GALNT5: variants seen among roughly 807,000 people sequenced by gnomAD.
GALNT5 encodes polypeptide N-acetylgalactosaminyltransferase 5.
Under a neutral mutation model 85.4 loss-of-function variants are expected in GALNT5, and 72 were observed. That is an observed-to-expected ratio of 0.84 (90% confidence interval 0.70 to 1.03). The LOEUF (loss-of-function observed/expected upper bound fraction) is 1.03, where lower values mean the gene tolerates loss of function less well. Among genes scored for constraint, GALNT5 ranks in the 50% least tolerant of loss-of-function variants. GALNT5 has a pLI of 0.00. For synonymous variants in GALNT5, 404 were observed against 397.0 expected, an observed-to-expected ratio of 1.02 and a Z score of -0.21; for missense variants, 1,137 against 1,135.5, an observed-to-expected ratio of 1.00 and a Z score of -0.02.
chr2:157,311,252 G>T lies in GALNT5; in HGVS notation c.2727G>T (p.Leu909Phe). ...AAAACAATCAGCAATTATTATGCTT[G>T]GAAGGAAATTTTTCTCAAAAGATCC... ...VFENNQQLLC[L>F]EGNFSQKILK... is the part of the protein sequence containing the mutation. Residue 909 changes from leucine (L) to phenylalanine (F), a missense_variant, in exon 10 of 10, where the codon TTG (leucine) becomes TTT (phenylalanine). Transcript: ENST00000259056. 1 of 1,609,744 alleles carries T rather than the reference G, an allele frequency of 6.2e-7. No homozygotes were observed.
intron 9 of GALNT5, among the ~76,000 whole-genome samples, chr2:157,309,988 G>A (rs1400447300): frequency 6.6e-6 from 1 of 151,910 alleles, no homozygotes; most frequent in Non-Finnish European, 1.5e-5. Flanking sequence ...AGGAGAAAGG[G>A]GGGGATGTGG....
chr2:157,262,071 C>T (rs1682353469), intron 1 of GALNT5, among the ~76,000 whole-genome samples: 1 of 152,006 alleles, frequency 6.6e-6, no homozygotes, highest in South Asian at 2.1e-4. Context: ...CCTACTGCAA[C>T]CTTTAAATTT....
chr2:157,300,317 C>T (rs111277582), intron 6 of GALNT5, among the ~76,000 whole-genome samples: 2 of 152,112 alleles, frequency 1.3e-5, no homozygotes, highest in African/African-American at 4.8e-5. Context: ...TGGTTCTTCC[C>T]AAAAATGAGA....
intron 1 of GALNT5, among the ~76,000 whole-genome samples, chr2:157,279,472 G>A (rs1195350943): frequency 6.6e-6 from 1 of 152,250 alleles, no homozygotes; most frequent in Non-Finnish European, 1.5e-5. Flanking sequence ...GAGCTGCGGT[G>A]GGCTCCACCC....
intron 7 of GALNT5, among the ~76,000 whole-genome samples, 171 bp from the exon 8 acceptor site, chr2:157,305,578 T>C (rs1683437830): frequency 6.6e-6 from 1 of 152,214 alleles, no homozygotes; most frequent in South Asian, 2.1e-4. Flanking sequence ...AAGATTACAT[T>C]ATGTCTCTGT....
Position 157,311,249 on chromosome 2 carries a change from C to T in GALNT5, c.2724C>T (p.Cys908=). Residue 908 remains cysteine, a synonymous_variant, in exon 10 of 10, where the codon TGC becomes TGT. Transcript: ENST00000259056. ...IVFENNQQLL[C]LEGNFSQKIL... is the part of the protein sequence containing the mutation. ...TTGAAAACAATCAGCAATTATTATG[C>T]TTGGAAGGAAATTTTTCTCAAAAGA... 1.2e-6 allele frequency: 2 copies of T among 1,609,770 alleles called. No individual in the cohort carries two copies. The highest frequency in any genetic ancestry group is 1.1e-5 in the South Asian group (1 of 90,870).
chr2:157,310,673 T>C (rs563276591), intron 9 of GALNT5, among the ~76,000 whole-genome samples: 28 of 152,308 alleles, frequency 1.8e-4, no homozygotes, highest in African/African-American at 6.5e-4. Context: ...TAAGCAATAA[T>C]ATAACTTTCT....
intron 1 of GALNT5, 91 bp downstream of exon 1, chr2:157,259,627 T>C: frequency 1.1e-6 from 1 of 941,984 alleles, no homozygotes; most frequent in Non-Finnish European, 1.4e-6. Flanking sequence ...TGTGTGATTT[T>C]TGGTCACCTA....
chr2:157,314,220 A>C lies in GALNT5; in HGVS notation c.*2872A>C, dbSNP rs1683645037. The C allele has an allele frequency of 6.6e-6, 1 of 152,056 alleles. No individual in the cohort carries two copies. The highest frequency in any genetic ancestry group is 1.5e-5 in the Non-Finnish European group (1 of 68,016). 9.4% of individuals were successfully genotyped at this position (152,056 alleles called of 1,614,324 possible). A position where few individuals can be genotyped will look rare whatever the true frequency, so the allele number is the denominator to read the frequency against. On this transcript the variant is annotated 3_prime_UTR_variant, in exon 10 of 10. Coordinates refer to ENST00000259056, the MANE Select transcript of GALNT5 (RefSeq NM_014568.3). ...GTCATTGCCTTTACTTTAAAAAAAA[A>C]AAAAAAAAGTCTATGCATCTTGTTA...
intron 3 of GALNT5, among the ~76,000 whole-genome samples, chr2:157,291,636 C>A (rs1171001656): frequency 1.5e-5 from 2 of 131,086 alleles, no homozygotes; most frequent in African/African-American, 5.9e-5. Flanking sequence ...ACCACCCACC[C>A]CCCCCCAGAT....
chr2:157,285,354 T>A (rs983701552), intron 2 of GALNT5, among the ~76,000 whole-genome samples: 5 of 152,168 alleles, frequency 3.3e-5, no homozygotes, highest in African/African-American at 1.2e-4. Flanking sequence ...CCAGATTCTG[T>A]GGGACCTGAA....
intron 1 of GALNT5, among the ~76,000 whole-genome samples, chr2:157,267,256 A>C (rs1459858516): frequency 6.6e-6 from 1 of 152,202 alleles, no homozygotes; most frequent in Non-Finnish European, 1.5e-5. Flanking sequence ...CAGGAGAGCA[A>C]TGAGGACGTA....
intron 3 of GALNT5, 71 bp from the exon 4 acceptor site, chr2:157,295,592 C>T (rs1340436619): frequency 8.0e-7 from 1 of 1,250,516 alleles, no homozygotes. Flanking sequence ...TCATCAATAC[C>T]TTTGAACATG....
At chr2:157,284,917 T>A (rs2105143601) in intron 2 of GALNT5, among the ~76,000 whole-genome samples, 1 of 152,310 alleles carries the variant, frequency 6.6e-6, no homozygotes, top group Admixed American at 6.5e-5. Flanking sequence ...GAAGACAAAT[T>A]GCCAATAGGA....
rs911159294 is a variant in GALNT5, at chr2:157,317,910, C to T, written c.*6562C>T. 9.2e-5 allele frequency among the ~76,000 whole-genome samples: 14 copies of T among 152,042 alleles called. No individual in the cohort carries two copies. The highest frequency in any genetic ancestry group is 1.6e-4 in the Non-Finnish European group (11 of 67,966). On this transcript the variant is annotated 3_prime_UTR_variant, in exon 10 of 10. Coordinates refer to ENST00000259056, the MANE Select transcript of GALNT5 (RefSeq NM_014568.3). Reference sequence around the variant, plus strand: ...TATACACATTTTCATTGTCTTTAAACAATACTGAGTTTTGAAGTTAAGTAG... The same window carrying T: ...TATACACATTTTCATTGTCTTTAAATAATACTGAGTTTTGAAGTTAAGTAG...
rs1683676469 is a variant in GALNT5, at chr2:157,315,320, T to C, written c.*3972T>C. On this transcript the variant is annotated 3_prime_UTR_variant, in exon 10 of 10. Transcript: ENST00000259056. ...AACTCCCACATACAGATGAGGAATT[T>C]GGTAAATTGCCCAAGGTCATCCCAC... Among the ~76,000 whole-genome samples, 1 of 152,200 alleles carries C rather than the reference T, an allele frequency of 6.6e-6. No homozygotes were observed. The highest frequency in any genetic ancestry group is 2.4e-5 in the African/African-American group (1 of 41,464).
chr2:157,278,477 C>T (rs1234490078), intron 1 of GALNT5, among the ~76,000 whole-genome samples: 3 of 152,318 alleles, frequency 2.0e-5, no homozygotes, highest in Admixed American at 6.5e-5. Flanking sequence ...GGTCTTTTCA[C>T]ATAGTCCCAT....
chr2:157,307,059 T>G (rs1683469137), intron 8 of GALNT5, among the ~76,000 whole-genome samples: 1 of 151,738 alleles, frequency 6.6e-6, no homozygotes, highest in African/African-American at 2.4e-5. Context: ...TGTGCCAGAG[T>G]AACCAGCATT....
chr2:157,273,826 T>A (rs1004892767), intron 1 of GALNT5, among the ~76,000 whole-genome samples: 7 of 151,854 alleles, frequency 4.6e-5, no homozygotes, highest in East Asian at 1.9e-4. Context: ...GTATTTTTTT[T>A]ATTATACTTT....
Sources: gnomAD v4.1 joint callset for allele counts (sites outside exome capture counted in the v4.1 genomes callset) on GRCh38, gnomAD v4.1.1 for gene constraint, MANE v1.5 for transcripts, NCBI Gene and HGNC (gene_info 2026-07-23, HGNC 2026-07-21) for gene names.